The following IPO5 variants were observed in gnomAD, a reference collection of about 807,000 sequenced individuals.
The protein encoded by IPO5 is importin 5.
In IPO5, 18 loss-of-function variants were observed where a neutral mutation model predicts 143.3. The observed-to-expected ratio is 0.13, with a 90% confidence interval of 0.09 to 0.19. The LOEUF is 0.19. Ranked by LOEUF, IPO5 falls within the 10% of genes least tolerant of loss-of-function variation. The probability of loss-of-function intolerance (pLI) is 1.00; values close to 1 mark genes in which losing one functional copy is unlikely to be tolerated. For missense variants in IPO5, 1,013 were observed against 1,336.9 expected (o/e 0.76, Z 3.78); for synonymous variants, 477 against 465.7 (o/e 1.02, Z -0.31).
At position 98,016,718 on chromosome 13, in the gene IPO5, G is replaced by GTT; in HGVS notation, c.2494-4_2494-3dup. On this transcript the variant is annotated splice_polypyrimidine_tract_variant and intron_variant, in intron 24 of 28. Transcript: ENST00000651721. Reference sequence around the variant, plus strand: ...AATCCATATGAGTGTTTATGTGTATGTTTTTTTTAGGATGATAATGATGTT... The same window carrying GTT: ...AATCCATATGAGTGTTTATGTGTATGTTTTTTTTTTAGGATGATAATGATGTT... 7.4e-7 allele frequency: 1 copy of GTT among 1,348,626 alleles called. No individual in the cohort carries two copies. Among genetic ancestry groups the GTT allele is most frequent in the Non-Finnish European group, 1.0e-6 (1 of 991,648 alleles). 83.5% of individuals were successfully genotyped at this position (1,348,626 alleles called of 1,614,324 possible). A position where few individuals can be genotyped will look rare whatever the true frequency, so the allele number is the denominator to read the frequency against.
chr13:98,017,260 A>T lies in IPO5; in HGVS notation c.2616+409A>T, dbSNP rs1415242282. The stretch of plus-strand genomic sequence containing the variant: ...AATGGGCATATATATATATATATGT[A>T]TTTTTTTTTTACCTTCTCTCACCCT... On this transcript the variant is annotated intron_variant, in intron 25 of 28. Transcript: ENST00000651721. Among the ~76,000 whole-genome samples, 14 of 147,918 alleles carry T rather than the reference A, an allele frequency of 9.5e-5. No individual in the cohort carries two copies. In the South Asian group the frequency reaches 2.8e-3, roughly 29 times the overall value.
At chr13:98,014,291 A>T (rs1566564648) in intron 22 of IPO5, 77 bp downstream of exon 22, 6 of 1,158,580 alleles carry the variant, frequency 5.2e-6, no homozygotes, top group East Asian at 5.0e-5. Flanking sequence ...AAAAAAAAAA[A>T]ATTTGAGACA....
In IPO5 at chr13:98,023,139, A is replaced by G. The variant is rs1890590345; in HGVS notation, c.*1317A>G. 1 of 152,682 alleles carries G rather than the reference A, an allele frequency of 6.5e-6. No individual in the cohort carries two copies. Among genetic ancestry groups the G allele is most frequent in the African/African-American group, 2.4e-5 (1 of 41,472 alleles). The allele number at this position is 152,682 out of a possible 1,614,324, so 9.5% of individuals were successfully genotyped here. The stretch of plus-strand genomic sequence containing the variant: ...TGGAATAGAAAATAGAATGGATTAC[A>G]TACAGATGGTTTCCTTGTTAGCAGA... On this transcript the variant is annotated 3_prime_UTR_variant, in exon 29 of 29. Transcript: ENST00000651721.
intron 4 of IPO5, among the ~76,000 whole-genome samples, chr13:97,977,237 G>A (rs1359351511): frequency 1.3e-5 from 2 of 152,140 alleles, no homozygotes; most frequent in Non-Finnish European, 2.9e-5. Context: ...GACCCGTCAC[G>A]CCTGCTTCTA....
intron 25 of IPO5, among the ~76,000 whole-genome samples, chr13:98,017,129 C>T (rs1890168586): frequency 6.6e-6 from 1 of 151,810 alleles, no homozygotes; most frequent in African/African-American, 2.4e-5. Context: ...TTATCTGTGC[C>T]CTCCTAAATT....
intron 2 of IPO5, among the ~76,000 whole-genome samples, chr13:97,969,268 G>A (rs955356409): frequency 2.9e-5 from 4 of 137,680 alleles, no homozygotes; most frequent in Middle Eastern, 4.4e-3. Context: ...CGCAAGCTCT[G>A]CCTCCCAGGT....
In IPO5 at chr13:97,976,725, A is replaced by C; in HGVS notation, c.29A>C (p.Gln10Pro). The C allele has an allele frequency of 1.4e-6, 2 of 1,407,188 alleles. 1 individual carries two copies. Among genetic ancestry groups the C allele is most frequent in the South Asian group, 2.4e-5 (2 of 83,158 alleles). 87.2% of individuals were successfully genotyped at this position (1,407,188 alleles called of 1,614,324 possible). A position where few individuals can be genotyped will look rare whatever the true frequency, so the allele number is the denominator to read the frequency against. MAAAAAEQQ[Q>P]FYLLLGNLLS... ...GCGGCGGCCGCGGCGGAGCAGCAACAGTTCTACCTGCTCCTGGGAAACCTG... is the reference window on the plus strand; with the variant it reads ...GCGGCGGCCGCGGCGGAGCAGCAACCGTTCTACCTGCTCCTGGGAAACCTG... Residue 10 changes from glutamine (Q) to proline (P), a missense_variant, in exon 4 of 29, where the codon CAG becomes CCG. By Grantham distance (76) the Gln-to-Pro change is moderately conservative. Coordinates refer to ENST00000651721, the MANE Select transcript of IPO5 (RefSeq NM_002271.6).
chr13:98,016,314 G>T (rs1890120221), intron 24 of IPO5, among the ~76,000 whole-genome samples: 1 of 152,104 alleles, frequency 6.6e-6, no homozygotes, highest in Non-Finnish European at 1.5e-5. Context: ...ATGCTTGTAG[G>T]CCCAAATTGC....
At chr13:98,001,913 C>T (rs1888822301) in intron 13 of IPO5, 1 of 152,182 alleles carries the variant, frequency 6.6e-6, no homozygotes, top group Non-Finnish European at 1.5e-5. Context: ...CGCGCCTGGC[C>T]TGATACATAC....
intron 18 of IPO5, among the ~76,000 whole-genome samples, chr13:98,008,554 C>G (rs1889453803): frequency 1.3e-5 from 2 of 152,184 alleles, no homozygotes; most frequent in South Asian, 4.1e-4. Context: ...ATCTCCCTCC[C>G]CTGGCAGAAA....
At chr13:97,981,356 T>TA in intron 4 of IPO5, 1 of 434,874 alleles carries the variant, frequency 2.3e-6, no homozygotes, top group Non-Finnish European at 4.6e-6. Flanking sequence ...TGGTTGGCCT[T>TA]AGAGGACCAG....
At chr13:98,014,380 C>G (rs1889951336) in intron 22 of IPO5, among the ~76,000 whole-genome samples, 166 bp downstream of exon 22, 1 of 152,078 alleles carries the variant, frequency 6.6e-6, no homozygotes, top group Non-Finnish European at 1.5e-5. Flanking sequence ...TGGGTTCAAG[C>G]AATTCTCATG....
At chr13:97,996,633 C>A (rs1299345454) in intron 11 of IPO5, among the ~76,000 whole-genome samples, 5 of 151,966 alleles carry the variant, frequency 3.3e-5, no homozygotes, top group Non-Finnish European at 1.5e-5. Flanking sequence ...GACAGAGTCT[C>A]GCTCTGTCGT....
chr13:98,013,981 G>A, intron 21 of IPO5, 61 bp from the exon 22 acceptor site: 1 of 1,479,768 alleles, frequency 6.8e-7, no homozygotes, highest in Non-Finnish European at 9.2e-7. Flanking sequence ...TTAGTGCATT[G>A]AACCCTTTAA....
intron 3 of IPO5, among the ~76,000 whole-genome samples, chr13:97,974,837 T>C (rs916143164): frequency 1.3e-5 from 2 of 152,188 alleles, no homozygotes; most frequent in Non-Finnish European, 1.5e-5. Flanking sequence ...AGACCTCCTG[T>C]AGAGAACCCA....
chr13:98,004,395 C>T (rs546905481), intron 16 of IPO5, among the ~76,000 whole-genome samples: 26 of 152,270 alleles, frequency 1.7e-4, no homozygotes, highest in African/African-American at 5.5e-4. Context: ...AGGAAACATT[C>T]GTGTGCCCGA....
Position 97,969,175 on chromosome 13 carries a change from A to ATATAT in IPO5, c.-112-547_-112-546insATATT, listed in dbSNP as rs1234384302. Among the ~76,000 whole-genome samples, 133 of 43,946 alleles carry ATATAT rather than the reference A, an allele frequency of 3.0e-3. 3 individuals carry two copies. The highest frequency in any genetic ancestry group is 0.012 in the African/African-American group (118 of 9,474). The allele number at this position is 43,946 out of a possible 152,430, so 28.8% of individuals were successfully genotyped here. A position where few individuals can be genotyped will look rare whatever the true frequency, so the allele number is the denominator to read the frequency against. ...TAAGTATATATATATATATATATAT[A>ATATAT]TTTTTTTTTTTTTTTTTTTTTTTTG... On this transcript the variant is annotated intron_variant, in intron 2 of 28. Transcript: ENST00000651721.
chr13:98,020,954 T>A, intron 27 of IPO5, 38 bp from the exon 28 acceptor site: 1 of 1,547,740 alleles, frequency 6.5e-7, no homozygotes, highest in Non-Finnish European at 8.8e-7. Context: ...TTTCTCCTTA[T>A]AAATTTCACT....
chr13:97,986,293 G>C (rs1594068146), intron 6 of IPO5, among the ~76,000 whole-genome samples: 1 of 152,108 alleles, frequency 6.6e-6, no homozygotes, highest in East Asian at 1.9e-4. Flanking sequence ...CAGTGCTTTT[G>C]CTGTTGTATA....
Sources: allele counts gnomAD v4.1 joint callset (sites outside exome capture counted in the v4.1 genomes callset), GRCh38; gene constraint gnomAD v4.1.1; transcripts MANE v1.5; gene names NCBI Gene and HGNC (gene_info 2026-07-23, HGNC 2026-07-21).